The following PLXDC2 variants were observed in gnomAD, a reference collection of about 807,000 sequenced individuals.
The protein encoded by PLXDC2 is plexin domain-containing protein 2.
A neutral mutation model predicts 68.9 loss-of-function variants in PLXDC2; 40 were observed. The observed-to-expected ratio is 0.58, with a 90% confidence interval of 0.45 to 0.76. PLXDC2 has a LOEUF of 0.76. Ranked by LOEUF, PLXDC2 falls within the 30% of genes least tolerant of loss-of-function variation. The pLI is 0.00. For missense variants in PLXDC2, 644 were observed against 661.9 expected, an observed-to-expected ratio of 0.97 and a Z score of 0.30; for synonymous variants, 243 against 234.2, an observed-to-expected ratio of 1.04 and a Z score of -0.34.
chr10:19,869,470 G>T (rs1291793653), intron 1 of PLXDC2, among the ~76,000 whole-genome samples: 3 of 50,464 alleles, frequency 5.9e-5, no homozygotes, highest in Admixed American at 3.4e-4. Context: ...AGAGAGAAAG[G>T]GGGGGGGGGG....
At chr10:19,869,478 G>A (rs62912761) in intron 1 of PLXDC2, among the ~76,000 whole-genome samples, 1 of 119,220 alleles carries the variant, frequency 8.4e-6, no homozygotes, top group Admixed American at 8.7e-5. Flanking sequence ...AGGGGGGGGG[G>A]GGAGAGGGTG....
chr10:19,828,493 A>G (rs906212347), intron 1 of PLXDC2, among the ~76,000 whole-genome samples: 8 of 152,222 alleles, frequency 5.3e-5, no homozygotes, highest in African/African-American at 1.9e-4. Flanking sequence ...AGGCTTGGTG[A>G]TCTGAGTATT....
intron 5 of PLXDC2, among the ~76,000 whole-genome samples, chr10:20,146,649 CT>C (rs1361991549): frequency 1.3e-5 from 2 of 150,450 alleles, no homozygotes; most frequent in Middle Eastern, 3.2e-3. Context: ...AGTTAAAAAA[CT>C]TTTTTTTCTT....
intron 1 of PLXDC2, among the ~76,000 whole-genome samples, chr10:19,904,742 G>A (rs1010366673): frequency 1.6e-4 from 24 of 152,166 alleles, no homozygotes; most frequent in Non-Finnish European, 8.8e-5. Flanking sequence ...GTCTGTCCAA[G>A]CAGGAGCTGC....
chr10:20,096,161 C>G (rs192448924), intron 4 of PLXDC2, among the ~76,000 whole-genome samples: 37 of 152,206 alleles, frequency 2.4e-4, no homozygotes, highest in Non-Finnish European at 4.4e-4. Context: ...CACGGTGTGA[C>G]CTTTCAAAGG....
At chr10:19,967,427 A>G (rs558035795) in intron 1 of PLXDC2, among the ~76,000 whole-genome samples, 1 of 152,304 alleles carries the variant, frequency 6.6e-6, no homozygotes, top group South Asian at 2.1e-4. Flanking sequence ...AAATGGCCTC[A>G]AAACACAGTA....
chr10:19,994,253 CTTTTT>C (rs528321973), intron 1 of PLXDC2, among the ~76,000 whole-genome samples: 4 of 87,488 alleles, frequency 4.6e-5, no homozygotes, highest in East Asian at 3.0e-4. Flanking sequence ...TTGTATTCTC[CTTTTT>C]TTTTTTTTTT....
At chr10:20,027,201 G>C (rs1036758079) in intron 2 of PLXDC2, among the ~76,000 whole-genome samples, 1 of 151,672 alleles carries the variant, frequency 6.6e-6, no homozygotes, top group Non-Finnish European at 1.5e-5. Context: ...TCTTAAGTGC[G>C]GTGGTCTCAA....
chr10:20,156,652 A>G (rs1344161153), intron 6 of PLXDC2, among the ~76,000 whole-genome samples: 2 of 152,142 alleles, frequency 1.3e-5, no homozygotes, highest in Non-Finnish European at 2.9e-5. Context: ...TCTACAGATT[A>G]TGATTGTGGA....
chr10:19,913,586 C>T (rs1317735463), intron 1 of PLXDC2, among the ~76,000 whole-genome samples: 4 of 152,036 alleles, frequency 2.6e-5, no homozygotes, highest in African/African-American at 4.8e-5. Context: ...TAACTTAAGT[C>T]GTTTCTTAAA....
At chr10:20,039,940 T>G (rs1042964377) in intron 2 of PLXDC2, among the ~76,000 whole-genome samples, 2 of 152,132 alleles carry the variant, frequency 1.3e-5, no homozygotes, top group African/African-American at 2.4e-5. Flanking sequence ...GATTATAGCG[T>G]AAGTGCTGAG....
intron 1 of PLXDC2, among the ~76,000 whole-genome samples, chr10:19,901,565 T>C (rs1038837052): frequency 6.6e-6 from 1 of 152,220 alleles, no homozygotes; most frequent in Non-Finnish European, 1.5e-5. Flanking sequence ...TCTTTGTAGA[T>C]TCTGGATATT....
chr10:19,863,378 T>G (rs1211065128), intron 1 of PLXDC2, among the ~76,000 whole-genome samples: 1 of 152,208 alleles, frequency 6.6e-6, no homozygotes, highest in Non-Finnish European at 1.5e-5. Context: ...GCAGGGCTGG[T>G]ACGTTGCACA....
intron 1 of PLXDC2, among the ~76,000 whole-genome samples, chr10:19,937,943 T>C (rs1383858041): frequency 6.6e-6 from 1 of 152,102 alleles, no homozygotes; most frequent in African/African-American, 2.4e-5. Flanking sequence ...ATATCAGTGG[T>C]AATCATGGCT....
chr10:20,269,064 C>T (rs1835904182), intron 13 of PLXDC2, among the ~76,000 whole-genome samples: 1 of 152,096 alleles, frequency 6.6e-6, no homozygotes, highest in African/African-American at 2.4e-5. Context: ...TTAGTCAAAA[C>T]CAAAGAATCT....
At position 20,279,784 on chromosome 10, in the gene PLXDC2, G is replaced by A. The variant is rs1564374946; in HGVS notation, c.1555G>A (p.Glu519Lys). The A allele has an allele frequency of 6.2e-7, 1 of 1,614,002 alleles. No homozygotes were observed. The highest frequency in any genetic ancestry group is 1.1e-5 in the South Asian group (1 of 91,080). ...CTATGCTGAAGTTGAACCAGTTGGA[G>A]AGAAAGAAGGCTTTATTGTATCAGA... is the stretch of plus-strand genomic sequence containing the variant. ...PAYAEVEPVG[E>K]KEGFIVSEQC Residue 519 changes from glutamate to lysine, a missense_variant, in exon 14 of 14, where the codon GAG (glutamate) becomes AAG (lysine). By Grantham distance (56) the Glu-to-Lys change is moderately conservative (BLOSUM62 1). Coordinates refer to ENST00000377252, the MANE Select transcript of PLXDC2 (RefSeq NM_032812.9).
intron 4 of PLXDC2, among the ~76,000 whole-genome samples, chr10:20,102,404 T>C (rs1287290037): frequency 6.6e-6 from 1 of 152,232 alleles, no homozygotes; most frequent in Non-Finnish European, 1.5e-5. Flanking sequence ...CACCACAGCC[T>C]TTATCCCAAG....
intron 1 of PLXDC2, among the ~76,000 whole-genome samples, chr10:19,916,129 TTGTTTTG>T (rs1833361693): frequency 7.7e-6 from 1 of 129,976 alleles, no homozygotes; most frequent in South Asian, 2.3e-4. Flanking sequence ...GAGTTGTGTT[TTGTTTTG>T]TTTTTTTTTT....
Position 20,282,954 on chromosome 10 carries a change from T to A in PLXDC2, c.*3135T>A, listed in dbSNP as rs991675016. ...CTTTTGAAATTAAAATTAATTAAAATTAAATTAAAAATGTAATTCTTCAGT... is the reference window on the plus strand; with the variant it reads ...CTTTTGAAATTAAAATTAATTAAAAATAAATTAAAAATGTAATTCTTCAGT... On this transcript the variant is annotated 3_prime_UTR_variant, in exon 14 of 14. Transcript: ENST00000377252. 6.6e-5 allele frequency: 10 copies of A among 152,206 alleles called. No individual in the cohort carries two copies. Among genetic ancestry groups the A allele is most frequent in the Non-Finnish European group, 1.2e-4 (8 of 68,030 alleles). 9.4% of individuals were successfully genotyped at this position (152,206 alleles called of 1,614,324 possible).
Sources: allele counts gnomAD v4.1 joint callset (sites outside exome capture counted in the v4.1 genomes callset), GRCh38; gene constraint gnomAD v4.1.1; transcripts MANE v1.5; gene names NCBI Gene and HGNC (gene_info 2026-07-23, HGNC 2026-07-21).